Variants in PPEF2 observed in about 807,000 individuals in gnomAD.
PPEF2 encodes the protein serine/threonine-protein phosphatase with EF-hands 2.
In PPEF2, 84 loss-of-function variants were observed where a neutral mutation model predicts 84.7. The ratio of observed to expected loss-of-function variants is 0.99; its 90% CI spans 0.83 to 1.19. The LOEUF (loss-of-function observed/expected upper bound fraction) is 1.19, where lower values mean the gene tolerates loss of function less well. Ranked by LOEUF, PPEF2 falls within the 50% of genes most tolerant of loss-of-function variation. The pLI, the probability that PPEF2 is intolerant of heterozygous loss-of-function variation, is 0.00. For synonymous variants in PPEF2, 346 were observed against 345.2 expected (o/e 1.00, Z -0.03); for missense variants, 924 against 937.5 (o/e 0.99, Z 0.19).
chr4:75,872,363 T>C (rs887647112), intron 12 of PPEF2, among the ~76,000 whole-genome samples, 196 bp from the exon 13 acceptor site: 3 of 152,208 alleles, frequency 2.0e-5, no homozygotes, highest in Admixed American at 2.0e-4. Flanking sequence ...ACTCAAGTCA[T>C]AGAAATTTGA....
At chr4:75,867,687 C>T (rs144332411) in intron 13 of PPEF2, among the ~76,000 whole-genome samples, 231 of 152,280 alleles carry the variant, frequency 1.5e-3, no homozygotes, top group African/African-American at 4.8e-3. Context: ...TCATCCTTTG[C>T]TTCAGTTTTC....
chr4:75,899,510 A>C (rs1725074439), intron 1 of PPEF2, among the ~76,000 whole-genome samples: 1 of 151,458 alleles, frequency 6.6e-6, no homozygotes. Flanking sequence ...CACTTCTTTT[A>C]CTCTTTTCTC....
chr4:75,884,757 C>T lies in PPEF2; in HGVS notation c.583G>A (p.Gly195Ser). Reference sequence around the variant, plus strand: ...TATGACCGTTCTGGCGACGGGAGGCCATTCTTTTCAACAAGGAGACCAGTG... The same window carrying T: ...TATGACCGTTCTGGCGACGGGAGGCTATTCTTTTCAACAAGGAGACCAGTG... ...DDLIFIFYKN[G>S]LPSPERSYVF... The change falls in exon 8 of 17, where the codon GGC becomes AGC. Residue 195 changes from glycine to serine, a missense_variant. Physicochemically the swap from Gly to Ser is moderately conservative, Grantham distance 56 (BLOSUM62 0). Transcript: ENST00000286719. 2.5e-6 allele frequency: 4 copies of T among 1,574,658 alleles called. No homozygotes were observed. Among genetic ancestry groups the T allele is most frequent in the Non-Finnish European group, 3.4e-6 (4 of 1,164,082 alleles).
chr4:75,884,049 C>T (rs1477515138), intron 8 of PPEF2, among the ~76,000 whole-genome samples: 2 of 152,086 alleles, frequency 1.3e-5, no homozygotes, highest in Non-Finnish European at 2.9e-5. Context: ...AGGAGAATCG[C>T]TTGAAACTGG....
rs138968088 is a variant in PPEF2, at chr4:75,884,594, C to T, written c.746G>A (p.Arg249Gln). ...GNHEDHMVNL[R>Q]YGFTKEVMNK... ...TACTCAAGCATGTTTTGACTTGTACCGTAAGTTCACCATATGGTCCTCATG... is the reference window on the plus strand; with the variant it reads ...TACTCAAGCATGTTTTGACTTGTACTGTAAGTTCACCATATGGTCCTCATG... Residue 249 changes from arginine to glutamine, a missense_variant and splice_region_variant, in exon 8 of 17, where the codon CGA becomes CAA. By Grantham distance (43) the Arg-to-Gln change is conservative. Transcript: ENST00000286719. 3.4e-5 allele frequency: 54 copies of T among 1,590,584 alleles called. No individual in the cohort carries two copies. The highest frequency in any genetic ancestry group is 1.1e-4 in the Admixed American group (6 of 53,392).
chr4:75,878,555 G>A (rs920986232), intron 10 of PPEF2, among the ~76,000 whole-genome samples: 4 of 152,266 alleles, frequency 2.6e-5, no homozygotes, highest in Non-Finnish European at 5.9e-5. Flanking sequence ...GAGAGGGGCA[G>A]CAGAGCTGAC....
chr4:75,891,792 C>T (rs1724890979), intron 3 of PPEF2, 59 bp downstream of exon 3: 2 of 1,597,510 alleles, frequency 1.3e-6, no homozygotes, highest in African/African-American at 2.7e-5. Context: ...TTTAGGAGCA[C>T]CCGAGCCCTG....
intron 13 of PPEF2, among the ~76,000 whole-genome samples, chr4:75,867,649 G>A (rs913818217): frequency 6.6e-6 from 1 of 152,132 alleles, no homozygotes; most frequent in Non-Finnish European, 1.5e-5. Flanking sequence ...TTCTGGAGAA[G>A]GATCACCTCT....
intron 1 of PPEF2, among the ~76,000 whole-genome samples, chr4:75,898,446 T>C (rs1465670135): frequency 6.6e-6 from 1 of 152,226 alleles, no homozygotes; most frequent in Non-Finnish European, 1.5e-5. Context: ...CTGGCTAACT[T>C]TATTCATTGC....
At chr4:75,867,440 C>T (rs1170731280) in intron 13 of PPEF2, 21 bp from the exon 14 acceptor site, 2 of 1,551,906 alleles carry the variant, frequency 1.3e-6, no homozygotes, top group Non-Finnish European at 1.8e-6. Flanking sequence ...AGATGAAAAG[C>T]GACATTTTAA....
chr4:75,886,582 T>C (rs1020450312), intron 7 of PPEF2, among the ~76,000 whole-genome samples: 3 of 152,022 alleles, frequency 2.0e-5, no homozygotes, highest in African/African-American at 4.8e-5. Context: ...AATTAGGGCA[T>C]GTTGGCATGC....
In PPEF2 at chr4:75,884,618, T is replaced by C; in HGVS notation, c.722A>G (p.His241Arg). ...CCGTAAGTTCACCATATGGTCCTCA[T>C]GGTTTCCTCTGTTAAGATGGAACTC... is the stretch of plus-strand genomic sequence containing the variant. ...PKEFHLNRGN[H>R]EDHMVNLRYG... The change falls in exon 8 of 17, where the codon CAT becomes CGT. Residue 241 changes from histidine (H) to arginine (R), a missense_variant. His to Arg is a conservative substitution (Grantham distance 29). Transcript: ENST00000286719. 1.2e-6 allele frequency: 2 copies of C among 1,609,352 alleles called. No individual in the cohort carries two copies. Among genetic ancestry groups the C allele is most frequent in the Admixed American group, 1.7e-5 (1 of 58,504 alleles).
chr4:75,876,810 A>G (rs1319947884), intron 10 of PPEF2, 137 bp from the exon 11 acceptor site: 1 of 900,594 alleles, frequency 1.1e-6, no homozygotes, highest in Non-Finnish European at 1.6e-6. Context: ...GTTCAAGACC[A>G]GCTTGAGCAA....
intron 10 of PPEF2, among the ~76,000 whole-genome samples, chr4:75,880,077 C>T (rs1007593467): frequency 1.3e-5 from 2 of 152,140 alleles, no homozygotes; most frequent in East Asian, 3.8e-4. Context: ...ATCCGCCCGC[C>T]TCGGCCTCCC....
intron 7 of PPEF2, 194 bp from the exon 8 acceptor site, chr4:75,884,954 C>T: frequency 2.0e-6 from 1 of 510,254 alleles, no homozygotes; most frequent in East Asian, 3.4e-5. Context: ...TCCAGAGAGG[C>T]TAAGGTTAGG....
intron 16 of PPEF2, among the ~76,000 whole-genome samples, chr4:75,862,916 G>A (rs2149212879): frequency 6.6e-6 from 1 of 152,288 alleles, no homozygotes; most frequent in African/African-American, 2.4e-5. Flanking sequence ...ATCAACTAAT[G>A]ACTGGATAAA....
rs977350649 is a variant in PPEF2 at position 75,900,603 on chromosome 4, C to A, written c.-59+1627G>T. On this transcript the variant is annotated intron_variant, in intron 1 of 16. Coordinates refer to ENST00000286719, the MANE Select transcript of PPEF2 (RefSeq NM_006239.3). ...TGTTATTTATGGATAATGGTAACGT[C>A]ATTACAGGGTTGTTAGGAGTGTGAA... Among the ~76,000 whole-genome samples the A allele has an allele frequency of 3.3e-5, 5 of 152,240 alleles. No individual in the cohort carries two copies. The East Asian group carries it at 7.7e-4, about 23-fold the overall frequency.
At chr4:75,880,242 A>AT (rs1197246760) in intron 10 of PPEF2, among the ~76,000 whole-genome samples, 3 of 152,158 alleles carry the variant, frequency 2.0e-5, no homozygotes, top group African/African-American at 7.2e-5. Context: ...TGTTCTGGGC[A>AT]TTTTCTATAA....
intron 13 of PPEF2, among the ~76,000 whole-genome samples, chr4:75,869,121 A>G (rs112779535): frequency 1.2e-3 from 176 of 152,334 alleles, no homozygotes; most frequent in Non-Finnish European, 2.3e-3. Flanking sequence ...TCAGAGGCTA[A>G]CAGAAGTATG....
Sources: allele counts gnomAD v4.1 joint callset (sites outside exome capture counted in the v4.1 genomes callset), GRCh38; gene constraint gnomAD v4.1.1; transcripts MANE v1.5; gene names NCBI Gene and HGNC (gene_info 2026-07-23, HGNC 2026-07-21).